The following RGS17 variants were observed in gnomAD, a reference collection of about 807,000 sequenced individuals.
RGS17 encodes the protein regulator of G protein signaling 17, also known as regulator of G-protein signaling 17.
Under a neutral mutation model 25.5 loss-of-function variants are expected in RGS17, and 12 were observed. That is an observed-to-expected ratio of 0.47 (90% CI 0.30 to 0.76). The LOEUF (loss-of-function observed/expected upper bound fraction) is 0.76, where lower values mean the gene tolerates loss of function less well. RGS17 is among the 30% of genes least tolerant of loss of function. The pLI is 0.07. For missense variants in RGS17, 196 were observed against 242.2 expected (o/e 0.81, Z 1.27); for synonymous variants, 71 against 76.9 (o/e 0.92, Z 0.40).
At chr6:153,102,283 T>C (rs1402405186) in intron 1 of RGS17, among the ~76,000 whole-genome samples, 1 of 152,158 alleles carries the variant, frequency 6.6e-6, no homozygotes, top group Admixed American at 6.5e-5. Flanking sequence ...AATTAACACA[T>C]CTTACCTGTC....
intron 1 of RGS17, among the ~76,000 whole-genome samples, chr6:153,088,940 G>A (rs941550565): frequency 4.0e-5 from 6 of 150,096 alleles, no homozygotes; most frequent in East Asian, 1.9e-4. Context: ...AAAAAGAAAC[G>A]AGTAATATTT....
chr6:153,087,484 C>T (rs1230110952), intron 1 of RGS17, among the ~76,000 whole-genome samples: 3 of 152,138 alleles, frequency 2.0e-5, no homozygotes, highest in Admixed American at 6.5e-5. Context: ...TGCTGCTATC[C>T]CAAAGTAAAG....
intron 1 of RGS17, among the ~76,000 whole-genome samples, chr6:153,090,009 G>T (rs1777103887): frequency 6.6e-6 from 1 of 152,040 alleles, no homozygotes. Flanking sequence ...TTGATTAACT[G>T]CTTCTCTTAG....
At chr6:153,057,172 G>T (rs1776572696) in intron 1 of RGS17, among the ~76,000 whole-genome samples, 1 of 150,580 alleles carries the variant, frequency 6.6e-6, no homozygotes, top group African/African-American at 2.4e-5. Flanking sequence ...ATAACATCTG[G>T]GTATTTTGAT....
intron 4 of RGS17, among the ~76,000 whole-genome samples, chr6:153,015,333 A>C (rs1779171774): frequency 6.6e-6 from 1 of 152,226 alleles, no homozygotes; most frequent in Admixed American, 6.5e-5. Context: ...AATGCTACCA[A>C]ACAGCATTAC....
At chr6:153,120,995 T>C (rs530252446) in intron 1 of RGS17, among the ~76,000 whole-genome samples, 17 of 152,268 alleles carry the variant, frequency 1.1e-4, no homozygotes, top group African/African-American at 4.1e-4. Flanking sequence ...TCCTAGAATA[T>C]AATAATAACA....
intron 2 of RGS17, among the ~76,000 whole-genome samples, chr6:153,032,691 G>A (rs1334083079): frequency 6.6e-6 from 1 of 152,084 alleles, no homozygotes; most frequent in East Asian, 1.9e-4. Context: ...AACTCGAAGA[G>A]GATAAACTTA....
intron 1 of RGS17, among the ~76,000 whole-genome samples, chr6:153,116,303 C>G (rs2129126147): frequency 6.6e-6 from 1 of 152,186 alleles, no homozygotes; most frequent in Admixed American, 6.5e-5. Context: ...ATTTACACAG[C>G]CAACAAACAC....
intron 1 of RGS17, among the ~76,000 whole-genome samples, chr6:153,080,754 G>A (rs756564491): frequency 2.6e-5 from 4 of 151,742 alleles, no homozygotes; most frequent in Non-Finnish European, 5.9e-5. Flanking sequence ...ATTGAATGCT[G>A]TAAAATGTCA....
intron 2 of RGS17, among the ~76,000 whole-genome samples, chr6:153,029,747 T>C (rs1779342270): frequency 6.6e-6 from 1 of 152,078 alleles, no homozygotes; most frequent in Admixed American, 6.6e-5. Context: ...CCCGCCACCA[T>C]GCCCAGCTAA....
intron 2 of RGS17, among the ~76,000 whole-genome samples, chr6:153,035,249 A>G (rs1410486059): frequency 1.3e-5 from 2 of 152,212 alleles, no homozygotes; most frequent in African/African-American, 4.8e-5. Flanking sequence ...AAAGATGTAC[A>G]TTAATATGTA....
At chr6:153,087,856 C>T (rs988724066) in intron 1 of RGS17, among the ~76,000 whole-genome samples, 27 of 152,176 alleles carry the variant, frequency 1.8e-4, no homozygotes, top group African/African-American at 6.5e-4. Context: ...TGAGATCACC[C>T]ATAATGATCC....
chr6:153,113,917 C>A (rs1216508847), intron 1 of RGS17, among the ~76,000 whole-genome samples: 1 of 152,102 alleles, frequency 6.6e-6, no homozygotes, highest in Non-Finnish European at 1.5e-5. Context: ...ATCTCTGAGA[C>A]ACAGGTAAAG....
chr6:153,102,735 A>G (rs1453685103), intron 1 of RGS17, among the ~76,000 whole-genome samples: 1 of 152,146 alleles, frequency 6.6e-6, no homozygotes, highest in Non-Finnish European at 1.5e-5. Flanking sequence ...TTTTCTGAAT[A>G]TTACTTTCTT....
chr6:153,075,776 G>T (rs1478128164), intron 1 of RGS17, among the ~76,000 whole-genome samples: 1 of 152,112 alleles, frequency 6.6e-6, no homozygotes, highest in African/African-American at 2.4e-5. Flanking sequence ...AATGAGAAAT[G>T]AAAAAGAAAA....
chr6:153,095,209 T>C (rs1180351977), intron 1 of RGS17, among the ~76,000 whole-genome samples: 1 of 152,124 alleles, frequency 6.6e-6, no homozygotes, highest in African/African-American at 2.4e-5. Context: ...ATCATTGAGA[T>C]CCTGAGTAAC....
Position 153,008,031 on chromosome 6 carries a change from T to A in RGS17, c.*3543A>T, listed in dbSNP as rs1301821951. 6.6e-6 allele frequency: 1 copy of A among 152,240 alleles called. No individual in the cohort carries two copies. Among genetic ancestry groups the A allele is most frequent in the Non-Finnish European group, 1.5e-5 (1 of 68,034 alleles). 9.4% of individuals were successfully genotyped at this position (152,240 alleles called of 1,614,324 possible). On this transcript the variant is annotated 3_prime_UTR_variant, in exon 5 of 5. Transcript: ENST00000206262. ...GATATAATTTGTCACAATTACAATA[T>A]GATTTTTTAAAGTATAAATAAGTTA...
chr6:153,022,104 C>T (rs1014632314), intron 4 of RGS17, among the ~76,000 whole-genome samples: 1 of 151,882 alleles, frequency 6.6e-6, no homozygotes, highest in African/African-American at 2.4e-5. Flanking sequence ...GCTACTTGGG[C>T]GGCTGAGGCA....
chr6:153,077,548 T>C (rs1299416347), intron 1 of RGS17, among the ~76,000 whole-genome samples: 1 of 152,194 alleles, frequency 6.6e-6, no homozygotes, highest in Non-Finnish European at 1.5e-5. Context: ...GGTATATCTT[T>C]CTGTAGGTTT....
Sources: allele counts gnomAD v4.1 joint callset (sites outside exome capture counted in the v4.1 genomes callset), GRCh38; gene constraint gnomAD v4.1.1; transcripts MANE v1.5; gene names NCBI Gene and HGNC (gene_info 2026-07-23, HGNC 2026-07-21).